Variants in NPAS3 observed in about 807,000 individuals in gnomAD.
NPAS3 encodes the protein neuronal PAS domain protein 3.
In NPAS3, 14 loss-of-function variants were observed where a neutral mutation model predicts 73.1. The ratio of observed to expected loss-of-function variants is 0.19; its 90% confidence interval spans 0.13 to 0.30. The LOEUF is 0.30. Among genes scored for constraint, NPAS3 ranks in the 10% least tolerant of loss-of-function variants. NPAS3 has a pLI of 1.00. For synonymous variants in NPAS3, 620 were observed against 541.5 expected (o/e 1.14, Z -2.01); for missense variants, 1,096 against 1,250.0 (o/e 0.88, Z 1.86).
chr14:32,936,556 TTAAC>T (rs745451347), upstream of NPAS3, among the ~76,000 whole-genome samples: 12 of 152,150 alleles, frequency 7.9e-5, no homozygotes, highest in African/African-American at 1.2e-4. Flanking sequence ...GGCGGTCACT[TTAAC>T]TAGGAAGTGC....
At chr14:33,705,451 C>T (rs1042716999) in intron 6 of NPAS3, among the ~76,000 whole-genome samples, 1 of 152,202 alleles carries the variant, frequency 6.6e-6, no homozygotes, top group Non-Finnish European at 1.5e-5. Flanking sequence ...TTGTTCAACA[C>T]TGAATTTATC....
At chr14:33,732,183 T>C (rs2061417766) in intron 6 of NPAS3, among the ~76,000 whole-genome samples, 1 of 152,276 alleles carries the variant, frequency 6.6e-6, no homozygotes, top group East Asian at 1.9e-4. Flanking sequence ...CACTATTCCA[T>C]CTTCTCATCC....
intron 2 of NPAS3, among the ~76,000 whole-genome samples, chr14:33,152,628 C>G (rs896158331): frequency 2.0e-5 from 3 of 152,180 alleles, no homozygotes; most frequent in African/African-American, 7.2e-5. Context: ...ATATGGAATT[C>G]TAGGGAGGAA....
intron 4 of NPAS3, among the ~76,000 whole-genome samples, chr14:33,494,072 T>C (rs1461229707): frequency 1.3e-5 from 2 of 152,128 alleles, no homozygotes; most frequent in African/African-American, 4.8e-5. Flanking sequence ...TTCTGCATAT[T>C]AAGAGCTCCA....
intron 9 of NPAS3, among the ~76,000 whole-genome samples, chr14:33,792,234 G>A (rs944179011): frequency 5.3e-5 from 8 of 151,974 alleles, no homozygotes; most frequent in African/African-American, 1.5e-4. Context: ...GTGGAGCCAC[G>A]CCACCAAGAG....
chr14:33,736,288 G>A (rs1031940797), intron 7 of NPAS3, among the ~76,000 whole-genome samples: 12 of 152,190 alleles, frequency 7.9e-5, no homozygotes, highest in Non-Finnish European at 2.9e-5. Context: ...ACTAGCAGCT[G>A]TATAGAAGTC....
intron 3 of NPAS3, among the ~76,000 whole-genome samples, chr14:33,217,413 G>C (rs1041159776): frequency 6.6e-6 from 1 of 152,122 alleles, no homozygotes; most frequent in African/African-American, 2.4e-5. Flanking sequence ...TCTAGTTTGA[G>C]GCACAGGCTA....
At chr14:33,069,741 C>T (rs2041417251) in intron 2 of NPAS3, among the ~76,000 whole-genome samples, 1 of 152,148 alleles carries the variant, frequency 6.6e-6, no homozygotes, top group Non-Finnish European at 1.5e-5. Context: ...CAACTACTAA[C>T]TCAAAAAAGT....
chr14:33,725,019 GTAATAA>G (rs2061224818), intron 6 of NPAS3, among the ~76,000 whole-genome samples: 1 of 152,136 alleles, frequency 6.6e-6, no homozygotes, highest in African/African-American at 2.4e-5. Flanking sequence ...TGAAAGTGAT[GTAATAA>G]TACGGACAAA....
At chr14:33,062,301 GAAAAA>G (rs34914631) in intron 2 of NPAS3, among the ~76,000 whole-genome samples, 2 of 146,596 alleles carry the variant, frequency 1.4e-5, no homozygotes, top group African/African-American at 5.0e-5. Context: ...AAAAAAAAAA[GAAAAA>G]AAAAAAGAAG....
chr14:33,552,193 G>A (rs1010980920), intron 4 of NPAS3, among the ~76,000 whole-genome samples: 2 of 152,158 alleles, frequency 1.3e-5, no homozygotes, highest in South Asian at 2.1e-4. Context: ...AGACTCACTC[G>A]TGTGGAAAGA....
intron 2 of NPAS3, among the ~76,000 whole-genome samples, chr14:33,171,778 G>T (rs1196464099): frequency 6.6e-6 from 1 of 152,126 alleles, no homozygotes; most frequent in African/African-American, 2.4e-5. Flanking sequence ...CTAACTTCTT[G>T]GTGCAAGTGA....
chr14:33,391,497 C>T (rs2047004231), intron 4 of NPAS3, among the ~76,000 whole-genome samples: 1 of 152,040 alleles, frequency 6.6e-6, no homozygotes, highest in Non-Finnish European at 1.5e-5. Flanking sequence ...CCAGCTTGGC[C>T]CATATCTTAA....
At chr14:33,198,064 G>GTTCCTCCCGTCCAGAGTTGTTCA (rs1312108672) in intron 2 of NPAS3, among the ~76,000 whole-genome samples, 2 of 95,840 alleles carry the variant, frequency 2.1e-5, no homozygotes, top group Non-Finnish European at 4.6e-5. Flanking sequence ...AGAGTTGTTT[G>GTTCCTCCCGTCCAGAGTTGTTCA]TTCCTCCCGT....
chr14:33,095,657 C>CTTTTTTTTTTTTTTTTT lies in NPAS3; in HGVS notation c.140+39667_140+39668insTTTTTTTTTTTTTTTTT, dbSNP rs201283993. ...TACACAAAGGCGTGGGCATTCTCTG[C>CTTTTTTTTTTTTTTTTT]TTTTATTTTTTTATTTTTTTTTTTT... is the stretch of plus-strand genomic sequence containing the variant. On this transcript the variant is annotated intron_variant, in intron 2 of 11. Coordinates refer to ENST00000356141, the Ensembl canonical transcript of NPAS3. 1.6e-4 allele frequency among the ~76,000 whole-genome samples: 16 copies of CTTTTTTTTTTTTTTTTT among 97,678 alleles called. 3 individuals carry two copies. Among genetic ancestry groups the CTTTTTTTTTTTTTTTTT allele is most frequent in the African/African-American group, 2.2e-4 (5 of 22,314 alleles). 64.1% of individuals were successfully genotyped at this position (97,678 alleles called of 152,430 possible).
At chr14:33,660,521 G>C (rs2059276095) in intron 5 of NPAS3, among the ~76,000 whole-genome samples, 1 of 152,148 alleles carries the variant, frequency 6.6e-6, no homozygotes, top group Non-Finnish European at 1.5e-5. Flanking sequence ...ATTTGCAAAA[G>C]GGTTTAATCA....
intron 4 of NPAS3, among the ~76,000 whole-genome samples, chr14:33,437,923 C>G (rs1310814072): frequency 6.6e-6 from 1 of 152,170 alleles, no homozygotes; most frequent in East Asian, 1.9e-4. Context: ...CCCTTATTTT[C>G]CAGTATATTT....
intron 4 of NPAS3, among the ~76,000 whole-genome samples, chr14:33,511,518 G>T (rs953938750): frequency 6.6e-6 from 1 of 152,038 alleles, no homozygotes; most frequent in African/African-American, 2.4e-5. Context: ...TATTTCAAAA[G>T]GTACATTTGG....
intron 5 of NPAS3, among the ~76,000 whole-genome samples, chr14:33,637,570 T>C (rs76195468): frequency 6.6e-6 from 1 of 152,318 alleles, no homozygotes; most frequent in African/African-American, 2.4e-5. Context: ...CTATTGAATG[T>C]AATGGATTGT....
Sources: allele counts gnomAD v4.1 joint callset (sites outside exome capture counted in the v4.1 genomes callset), GRCh38; gene constraint gnomAD v4.1.1; transcripts MANE v1.5; gene names NCBI Gene and HGNC (gene_info 2026-07-23, HGNC 2026-07-21).